Variants in PTAFR observed in about 807,000 individuals in gnomAD.
PTAFR encodes platelet activating factor receptor, also known as platelet-activating factor receptor.
Under a neutral mutation model 14.7 loss-of-function variants are expected in PTAFR, and 8 were observed. That is an observed-to-expected ratio of 0.54 (90% confidence interval 0.32 to 0.98). The LOEUF (loss-of-function observed/expected upper bound fraction) is 0.98. Ranked by LOEUF, PTAFR falls within the 50% of genes least tolerant of loss-of-function variation. The pLI is 0.04. For missense variants in PTAFR, 337 were observed against 451.2 expected (o/e 0.75, Z 2.29); for synonymous variants, 156 against 176.5 (o/e 0.88, Z 0.92).
In PTAFR at chr1:28,149,775, A is replaced by G. The variant is rs1168588864; in HGVS notation, c.*218T>C. ...TAAAGTCATCAGTCACAGTTACTGTAGTATGCGCCCACAGGCGGATGAAGG... is the reference window on the plus strand; with the variant it reads ...TAAAGTCATCAGTCACAGTTACTGTGGTATGCGCCCACAGGCGGATGAAGG... On this transcript the variant is annotated 3_prime_UTR_variant, in exon 2 of 2. Coordinates refer to ENST00000373857, the MANE Select transcript of PTAFR (RefSeq NM_000952.5). The G allele has an allele frequency of 1.4e-5, 8 of 580,220 alleles. No individual in the cohort carries two copies. Among genetic ancestry groups the G allele is most frequent in the Non-Finnish European group, 2.4e-5 (8 of 331,798 alleles). The allele number at this position is 580,220 out of a possible 1,614,324, so 35.9% of individuals were successfully genotyped here. A position where few individuals can be genotyped will look rare whatever the true frequency, so the allele number is the denominator to read the frequency against.
At chr1:28,187,097 A>G (rs1646613737) in intron 1 of PTAFR, among the ~76,000 whole-genome samples, 1 of 152,154 alleles carries the variant, frequency 6.6e-6, no homozygotes, top group African/African-American at 2.4e-5. Flanking sequence ...AGCCCTCAAG[A>G]GTGATATTAT....
intron 1 of PTAFR, among the ~76,000 whole-genome samples, chr1:28,190,982 G>A (rs1365630624): frequency 1.3e-5 from 2 of 152,150 alleles, no homozygotes; most frequent in African/African-American, 4.8e-5. Flanking sequence ...GGATTAGGCC[G>A]GTAAAGGACG....
chr1:28,189,607 C>T (rs778414529), intron 1 of PTAFR, among the ~76,000 whole-genome samples: 3 of 151,166 alleles, frequency 2.0e-5, no homozygotes, highest in African/African-American at 4.9e-5. Flanking sequence ...AGTGAGATTC[C>T]GTCTTTAAAT....
intron 1 of PTAFR, among the ~76,000 whole-genome samples, chr1:28,162,209 G>A (rs1383916556): frequency 1.3e-5 from 2 of 152,216 alleles, no homozygotes; most frequent in African/African-American, 2.4e-5. Context: ...GGGAGCAAGC[G>A]TGGAAACAGC....
chr1:28,187,724 C>T (rs1390094440), intron 1 of PTAFR, among the ~76,000 whole-genome samples: 1 of 152,178 alleles, frequency 6.6e-6, no homozygotes, highest in African/African-American at 2.4e-5. Context: ...CTCAAGCGAT[C>T]TGTCCACCTC....
At chr1:28,184,059 C>T (rs1296484127) in intron 1 of PTAFR, among the ~76,000 whole-genome samples, 1 of 149,200 alleles carries the variant, frequency 6.7e-6, no homozygotes, top group African/African-American at 2.5e-5. Flanking sequence ...TCCCTGCTTC[C>T]ATACTCACGT....
Position 28,174,198 on chromosome 1 carries a change from G to A in PTAFR, c.-39+2394C>T, listed in dbSNP as rs1297459695. 2.0e-5 allele frequency among the ~76,000 whole-genome samples: 3 copies of A among 152,130 alleles called. No individual in the cohort carries two copies. In the East Asian group the frequency reaches 5.8e-4, roughly 29 times the overall value. ...TCCCAGCACTTGCCCTTTGGGAGCT[G>A]GCTCTGCTCCCGACCCAGACACACA... On this transcript the variant is annotated intron_variant, in intron 1 of 1. Transcript: ENST00000373857.
chr1:28,149,196 TGCC>T lies in PTAFR; in HGVS notation c.*794_*796del, dbSNP rs1557682616. 6.6e-6 allele frequency: 1 copy of T among 152,290 alleles called. No homozygotes were observed. Among genetic ancestry groups the T allele is most frequent in the Non-Finnish European group, 1.5e-5 (1 of 68,120 alleles). The allele number at this position is 152,290 out of a possible 1,614,324, so 9.4% of individuals were successfully genotyped here. A position where few individuals can be genotyped will look rare whatever the true frequency, so the allele number is the denominator to read the frequency against. Reference sequence around the variant, plus strand: ...CCTGAGAAAGGTCACAAAGACCTTGTGCCGGAGGGTGGAGAGAGGATGGCAACA... The same window carrying T: ...CCTGAGAAAGGTCACAAAGACCTTGTGGAGGGTGGAGAGAGGATGGCAACA... On this transcript the variant is annotated 3_prime_UTR_variant, in exon 2 of 2. Transcript: ENST00000373857.
At chr1:28,176,298 C>T (rs999507304) in intron 1 of PTAFR, among the ~76,000 whole-genome samples, 1 of 151,870 alleles carries the variant, frequency 6.6e-6, no homozygotes, top group Non-Finnish European at 1.5e-5. Context: ...CAAAAATTAG[C>T]CAGGCGTGGT....
intron 1 of PTAFR, among the ~76,000 whole-genome samples, chr1:28,182,290 T>C (rs1455878409): frequency 6.6e-6 from 1 of 151,072 alleles, no homozygotes; most frequent in Admixed American, 6.6e-5. Flanking sequence ...GAGCCAAGAT[T>C]GCACCACTGC....
chr1:28,159,253 A>G (rs1272936986), intron 1 of PTAFR, among the ~76,000 whole-genome samples: 1 of 152,208 alleles, frequency 6.6e-6, no homozygotes, highest in Non-Finnish European at 1.5e-5. Context: ...GGAAGAAGTC[A>G]GAGGAGGACA....
intron 1 of PTAFR, among the ~76,000 whole-genome samples, chr1:28,170,775 C>T (rs528279502): frequency 6.5e-4 from 98 of 151,708 alleles, no homozygotes; most frequent in Middle Eastern, 3.4e-3. Flanking sequence ...CCAAGGCGGG[C>T]GGATCACAAG....
In PTAFR at chr1:28,150,477, A is replaced by G. The variant is rs1646170362; in HGVS notation, c.545T>C (p.Val182Ala). 1 of 1,614,240 alleles carries G rather than the reference A, an allele frequency of 6.2e-7. No homozygotes were observed. Among genetic ancestry groups the G allele is most frequent in the East Asian group, 2.2e-5 (1 of 44,886 alleles). The change falls in exon 2 of 2, where the codon GTG (valine) becomes GCG (alanine). Residue 182 changes from valine (V) to alanine (A), a missense_variant. Coordinates refer to ENST00000373857, the MANE Select transcript of PTAFR (RefSeq NM_000952.5). The surrounding 1 kb of genome is among the most constrained non-coding windows in gnomAD (Gnocchi z 6.3). Reference sequence around the variant, plus strand: ...GAAGATGTGGATGATGAGGACTGGCACGCTGCCCTTCTCGTAATGCTCAAA... The same window carrying G: ...GAAGATGTGGATGATGAGGACTGGCGCGCTGCCCTTCTCGTAATGCTCAAA... ...RCFEHYEKGS[V>A]PVLIIHIFIV...
Position 28,150,334 on chromosome 1 carries a change from C to T in PTAFR, c.688G>A (p.Ala230Thr). The T allele has an allele frequency of 6.2e-7, 1 of 1,614,030 alleles. No individual in the cohort carries two copies. Among genetic ancestry groups the T allele is most frequent in the Non-Finnish European group, 8.5e-7 (1 of 1,179,942 alleles). The change falls in exon 2 of 2, where the codon GCG becomes ACG. Residue 230 changes from alanine (A) to threonine (T), a missense_variant. Coordinates refer to ENST00000373857, the MANE Select transcript of PTAFR (RefSeq NM_000952.5). This position sits in a 1 kb window ranked among gnomAD's most constrained non-coding sequence, Gnocchi z 6.3. Reference protein sequence around the residue: ...QQRNAEVKRRALWMVCTVLAV... With the variant: ...QQRNAEVKRRTLWMVCTVLAV... The stretch of plus-strand genomic sequence containing the variant: ...AAGACCGTGCACACCATCCACAGCG[C>T]CCGGCGCTTGACTTCAGCGTTGCGC...
intron 1 of PTAFR, among the ~76,000 whole-genome samples, chr1:28,156,808 C>T (rs1220542092): frequency 9.9e-5 from 15 of 152,186 alleles, no homozygotes; most frequent in Non-Finnish European, 1.8e-4. Context: ...TCAGGCTATA[C>T]TGGTTATACC....
At chr1:28,192,198 C>T (rs954983351) in intron 1 of PTAFR, among the ~76,000 whole-genome samples, 2 of 152,078 alleles carry the variant, frequency 1.3e-5, no homozygotes, top group African/African-American at 4.8e-5. Flanking sequence ...CCTCTCTGAG[C>T]CTATTTCCAT....
chr1:28,156,327 A>G (rs1646263528), intron 1 of PTAFR, among the ~76,000 whole-genome samples: 1 of 152,144 alleles, frequency 6.6e-6, no homozygotes, highest in African/African-American at 2.4e-5. Flanking sequence ...TCCCTTTATA[A>G]GTATGTATCT....
chr1:28,176,976 A>G (rs1646522277), upstream of PTAFR: 1 of 152,560 alleles, frequency 6.6e-6, no homozygotes, highest in Admixed American at 6.6e-5. Context: ...GAGATGAGGG[A>G]CCAGGAAAAT....
chr1:28,150,991 A>C lies in PTAFR; in HGVS notation c.31T>G (p.Ser11Ala). 6.2e-7 allele frequency: 1 copy of C among 1,604,216 alleles called. No homozygotes were observed. Among genetic ancestry groups the C allele is most frequent in the Non-Finnish European group, 8.5e-7 (1 of 1,173,914 alleles). Residue 11 changes from serine to alanine, a missense_variant, in exon 2 of 2, where the codon TCT becomes GCT. Ser to Ala is a moderately conservative substitution (Grantham distance 99). Transcript: ENST00000373857. The surrounding 1 kb of genome is among the most constrained non-coding windows in gnomAD (Gnocchi z 6.3). The stretch of plus-strand genomic sequence containing the variant: ...GGGAAGAGAGTGTATCGGAACTCAG[A>C]GTCCATGTGGGAGGAGTCATGTGGC... MEPHDSSHMD[S>A]EFRYTLFPIV...
Sources: allele counts gnomAD v4.1 joint callset (sites outside exome capture counted in the v4.1 genomes callset), GRCh38; gene constraint gnomAD v4.1.1; non-coding constraint Gnocchi (gnomAD v3.1); transcripts MANE v1.5; gene names NCBI Gene and HGNC (gene_info 2026-07-23, HGNC 2026-07-21).